Variants in IRF4 observed in about 807,000 individuals in gnomAD.
The protein encoded by IRF4 is lymphocyte-specific interferon regulatory factor.
Under a neutral mutation model 55.5 loss-of-function variants are expected in IRF4, and 13 were observed. That is an observed-to-expected ratio of 0.23 (90% confidence interval 0.15 to 0.37). IRF4 has a LOEUF of 0.37. Among genes scored for constraint, IRF4 ranks in the 10% least tolerant of loss-of-function variants. The pLI, the probability that IRF4 is intolerant of heterozygous loss-of-function variation, is 1.00. For missense variants in IRF4, 397 were observed against 593.8 expected (o/e 0.67, Z 3.44); for synonymous variants, 249 against 240.7 (o/e 1.03, Z -0.32).
chr6:410,451 A>G lies in IRF4; in HGVS notation c.*2853A>G, dbSNP rs1054586910. 6.1e-5 allele frequency: 14 copies of G among 229,162 alleles called. No homozygotes were observed. Among genetic ancestry groups the G allele is most frequent in the Admixed American group, 3.4e-4 (6 of 17,654 alleles). 14.2% of individuals were successfully genotyped at this position (229,162 alleles called of 1,614,324 possible). ...CTAGACTATTGGGTATGAACTAAAA[A>G]GAGACTGTGCCATGGTGAGAAAAAT... On this transcript the variant is annotated 3_prime_UTR_variant, in exon 9 of 9. Transcript: ENST00000380956.
intron 4 of IRF4, 37 bp downstream of exon 4, chr6:395,972 C>G (rs1337357364): frequency 1.3e-6 from 2 of 1,522,846 alleles, no homozygotes; most frequent in Non-Finnish European, 1.8e-6. Context: ...GAGGGCGAGG[C>G]TGTGTGGGCC....
At chr6:399,314 G>C (rs1264718400) in intron 6 of IRF4, among the ~76,000 whole-genome samples, 1 of 152,118 alleles carries the variant, frequency 6.6e-6, no homozygotes, top group Non-Finnish European at 1.5e-5. Flanking sequence ...ATTTTGAGAA[G>C]CTGATCATCC....
In IRF4 at chr6:408,696, T is replaced by A. The variant is rs1581233567; in HGVS notation, c.*1098T>A. On this transcript the variant is annotated 3_prime_UTR_variant, in exon 9 of 9. Transcript: ENST00000380956. ...GTTCCCTTCCTCTGTGCCACGCTCC[T>A]CTGTTTGTTTGGCTGTCCAGCGATC... is the stretch of plus-strand genomic sequence containing the variant. 5.6e-5 allele frequency: 13 copies of A among 230,490 alleles called. No homozygotes were observed. The East Asian group carries it at 7.9e-4, about 14-fold the overall frequency. The allele number at this position is 230,490 out of a possible 1,614,324, so 14.3% of individuals were successfully genotyped here. A position where few individuals can be genotyped will look rare whatever the true frequency, so the allele number is the denominator to read the frequency against.
chr6:393,181 G>C lies in IRF4; in HGVS notation c.29G>C (p.Gly10Ala). 1 of 1,553,436 alleles carries C rather than the reference G, an allele frequency of 6.4e-7. No homozygotes were observed. Reference sequence around the variant, plus strand: ...AACCTGGAGGGCGGCGGCCGAGGCGGAGAGTTCGGCATGAGCGCGGTGAGC... The same window carrying C: ...AACCTGGAGGGCGGCGGCCGAGGCGCAGAGTTCGGCATGAGCGCGGTGAGC... MNLEGGGRG[G>A]EFGMSAVSCG... The change falls in exon 2 of 9, where the codon GGA becomes GCA. Residue 10 changes from glycine (G) to alanine (A), a missense_variant. Transcript: ENST00000380956. The surrounding 1 kb of genome is among the most constrained non-coding windows in gnomAD (Gnocchi z 5.4).
At chr6:401,233 G>A (rs897670491) in intron 6 of IRF4, among the ~76,000 whole-genome samples, 191 bp from the exon 7 acceptor site, 6 of 152,242 alleles carry the variant, frequency 3.9e-5, no homozygotes, top group Non-Finnish European at 8.8e-5. Flanking sequence ...AGCTCATGCT[G>A]TCTGTGGATC....
intron 8 of IRF4, among the ~76,000 whole-genome samples, chr6:407,166 T>A (rs930459105): frequency 4.6e-5 from 7 of 152,214 alleles, no homozygotes; most frequent in African/African-American, 1.7e-4. Context: ...TCACTTTACT[T>A]GATTTGATGC....
At position 411,179 on chromosome 6, in the gene IRF4, A is replaced by G. The variant is rs1761692541; in HGVS notation, c.*3581A>G. 1 of 231,334 alleles carries G rather than the reference A, an allele frequency of 4.3e-6. No homozygotes were observed. 14.3% of individuals were successfully genotyped at this position (231,334 alleles called of 1,614,324 possible). On this transcript the variant is annotated 3_prime_UTR_variant, in exon 9 of 9. Coordinates refer to ENST00000380956, the MANE Select transcript of IRF4 (RefSeq NM_002460.4). ...CAATGGGGTCCACTTCCCCCTCTTC[A>G]GCATCCCCCGTACCCCACTTTCTGC...
intron 6 of IRF4, among the ~76,000 whole-genome samples, chr6:399,763 G>T (rs374682360): frequency 6.6e-6 from 1 of 152,196 alleles, no homozygotes; most frequent in Non-Finnish European, 1.5e-5. Flanking sequence ...GAGAGTTGTG[G>T]CACTTTTGCT....
chr6:393,123 CCGGGCG>C lies in IRF4; in HGVS notation c.-20_-15del. 6.5e-7 allele frequency: 1 copy of C among 1,543,118 alleles called. No individual in the cohort carries two copies. The highest frequency in any genetic ancestry group is 8.7e-7 in the Non-Finnish European group (1 of 1,142,880). ...TGCAGAGCAGAGCGGGCGGAGGACCCCGGGCGCGGGCGCGGACGGCACGCGGGGCAT... is the reference window on the plus strand; with the variant it reads ...TGCAGAGCAGAGCGGGCGGAGGACCCCGGGCGCGGACGGCACGCGGGGCAT... On this transcript the variant is annotated 5_prime_UTR_variant, in exon 2 of 9. Transcript: ENST00000380956. The surrounding 1 kb of genome is among the most constrained non-coding windows in gnomAD (Gnocchi z 5.4).
chr6:391,839 G>T (rs1006970433), intron 1 of IRF4, 30 bp downstream of exon 1: 1 of 455,750 alleles, frequency 2.2e-6, no homozygotes, highest in East Asian at 6.9e-5. Flanking sequence ...AGGAGGAGGG[G>T]TGTGAGGCTG....
At chr6:404,264 T>C (rs997210313) in intron 7 of IRF4, among the ~76,000 whole-genome samples, 1 of 152,242 alleles carries the variant, frequency 6.6e-6, no homozygotes, top group African/African-American at 2.4e-5. Context: ...TGGGCACTTG[T>C]CTTTCCAACA....
chr6:392,172 A>G (rs1292323209), intron 1 of IRF4, among the ~76,000 whole-genome samples: 1 of 152,210 alleles, frequency 6.6e-6, no homozygotes, highest in Non-Finnish European at 1.5e-5. Context: ...TGCCTGCGAG[A>G]AACAGGCCCG....
rs945235716 is a variant in IRF4 at position 393,218 on chromosome 6, G to A, written c.66G>A (p.Gly22=). The A allele has an allele frequency of 2.6e-6, 4 of 1,564,608 alleles. No homozygotes were observed. In the Admixed American group the frequency reaches 7.6e-5, roughly 30 times the overall value. Residue 22 remains glycine, a synonymous_variant, in exon 2 of 9, where the codon GGG becomes GGA. Transcript: ENST00000380956. This position sits in a 1 kb window ranked among gnomAD's most constrained non-coding sequence, Gnocchi z 5.4. Reference sequence around the variant, plus strand: ...TGAGCGCGGTGAGCTGCGGCAACGGGAAGCTCCGCCAGTGGCTGATCGACC... The same window carrying A: ...TGAGCGCGGTGAGCTGCGGCAACGGAAAGCTCCGCCAGTGGCTGATCGACC... ...FGMSAVSCGN[G]KLRQWLIDQI... is the part of the protein sequence containing the mutation.
intron 8 of IRF4, among the ~76,000 whole-genome samples, chr6:406,290 T>G (rs1761540811): frequency 6.6e-6 from 1 of 152,226 alleles, no homozygotes; most frequent in Non-Finnish European, 1.5e-5. Context: ...ACGCCTGTAA[T>G]CCCGGCACTT....
rs1761174153 is a variant in IRF4, at chr6:393,446, C to A, written c.216+78C>A. On this transcript the variant is annotated intron_variant, in intron 2 of 8. Coordinates refer to ENST00000380956, the MANE Select transcript of IRF4 (RefSeq NM_002460.4). The surrounding 1 kb of genome is among the most constrained non-coding windows in gnomAD (Gnocchi z 5.4). ...AGCCCGGGGTCCCCGGCGCCGCCTCCGAGGCGAGCCCAGGGGACCGCGCGG... is the reference window on the plus strand; with the variant it reads ...AGCCCGGGGTCCCCGGCGCCGCCTCAGAGGCGAGCCCAGGGGACCGCGCGG... 1.8e-6 allele frequency: 2 copies of A among 1,103,990 alleles called. No homozygotes were observed. Among genetic ancestry groups the A allele is most frequent in the East Asian group, 3.1e-5 (1 of 31,948 alleles). 68.4% of individuals were successfully genotyped at this position (1,103,990 alleles called of 1,614,324 possible).
In IRF4 at chr6:405,103, G is replaced by A; in HGVS notation, c.1185G>A (p.Gln395=). The A allele has an allele frequency of 6.2e-7, 1 of 1,612,080 alleles. No homozygotes were observed. Among genetic ancestry groups the A allele is most frequent in the Non-Finnish European group, 8.5e-7 (1 of 1,178,178 alleles). ...TTGGAGAGGAGTTTCCAGACCCTCA[G>A]AGGCAAAGAAAGCTCATCACAGCTC... is the stretch of plus-strand genomic sequence containing the variant. ...LCFGEEFPDP[Q]RQRKLITAHV... is the part of the protein sequence containing the mutation. The change falls in exon 8 of 9, where the codon CAG becomes CAA. Residue 395 remains glutamine (Q), a synonymous_variant. Coordinates refer to ENST00000380956, the MANE Select transcript of IRF4 (RefSeq NM_002460.4).
intron 7 of IRF4, among the ~76,000 whole-genome samples, chr6:402,483 C>T (rs543973339): frequency 1.3e-5 from 2 of 152,336 alleles, no homozygotes; most frequent in Admixed American, 1.3e-4. Context: ...ACCCCACCGC[C>T]AACTCTTCCT....
At chr6:398,758 A>C (rs1761328881) in intron 5 of IRF4, 70 bp from the exon 6 acceptor site, 1 of 1,104,248 alleles carries the variant, frequency 9.1e-7, no homozygotes, top group South Asian at 1.5e-5. Context: ...TCACACACAC[A>C]CCCCAGGAAG....
intron 5 of IRF4, 56 bp from the exon 6 acceptor site, chr6:398,772 C>A: frequency 1.5e-6 from 2 of 1,312,396 alleles, no homozygotes; most frequent in Non-Finnish European, 2.2e-6. Flanking sequence ...CAGGAAGCCC[C>A]GCGGTGCGTC....
Sources: gnomAD v4.1 joint callset for allele counts (sites outside exome capture counted in the v4.1 genomes callset) on GRCh38, gnomAD v4.1.1 for gene constraint, Gnocchi (gnomAD v3.1) non-coding constraint, MANE v1.5 for transcripts, NCBI Gene and HGNC (gene_info 2026-07-23, HGNC 2026-07-21) for gene names.